Variants in TBX4 observed in about 807,000 individuals in gnomAD.
TBX4 encodes the protein T-box transcription factor TBX4.
Under a neutral mutation model 54.6 loss-of-function variants are expected in TBX4, and 13 were observed. That is an observed-to-expected ratio of 0.24 (90% CI 0.15 to 0.38). TBX4 has a LOEUF of 0.38. Ranked by LOEUF, TBX4 falls within the 10% of genes least tolerant of loss-of-function variation. The pLI is 1.00. For missense variants in TBX4, 631 were observed against 728.5 expected (o/e 0.87, Z 1.54); for synonymous variants, 314 against 306.7 (o/e 1.02, Z -0.25).
rs1450358717 is a variant in TBX4 at position 61,484,243 on chromosome 17, G to A, written c.*727G>A. The A allele has an allele frequency of 6.6e-6, 1 of 151,980 alleles. No individual in the cohort carries two copies. Among genetic ancestry groups the A allele is most frequent in the Non-Finnish European group, 1.5e-5 (1 of 68,052 alleles). 9.4% of individuals were successfully genotyped at this position (151,980 alleles called of 1,614,324 possible). A position where few individuals can be genotyped will look rare whatever the true frequency, so the allele number is the denominator to read the frequency against. ...AAAGGGTTTTTTTTTCCCTTCAAGA[G>A]GAGGGAAAATGCAACCAGTAGCATC... On this transcript the variant is annotated 3_prime_UTR_variant, in exon 9 of 9. Transcript: ENST00000644296. This position sits in a 1 kb window ranked among gnomAD's most constrained non-coding sequence, Gnocchi z 4.1.
At chr17:61,466,656 C>T (rs893186403) in intron 4 of TBX4, among the ~76,000 whole-genome samples, 1 of 152,198 alleles carries the variant, frequency 6.6e-6, no homozygotes, top group African/African-American at 2.4e-5. Flanking sequence ...AGAGATTGGG[C>T]CGAGCAGGCA....
At position 61,474,562 on chromosome 17, in the gene TBX4, C is replaced by T. The variant is rs1400177547; in HGVS notation, c.550-4065C>T. 6.6e-6 allele frequency among the ~76,000 whole-genome samples: 1 copy of T among 152,166 alleles called. No homozygotes were observed. Among genetic ancestry groups the T allele is most frequent in the African/African-American group, 2.4e-5 (1 of 41,414 alleles). On this transcript the variant is annotated intron_variant, in intron 5 of 8. Coordinates refer to ENST00000644296, the MANE Select transcript of TBX4 (RefSeq NM_001321120.2). This position sits in a 1 kb window ranked among gnomAD's most constrained non-coding sequence, Gnocchi z 4.6. ...GCTTTATTGGCCAAGCACGCTATGGCGATCTCTTGAGGAGAGGGATGTTTG... is the reference window on the plus strand; with the variant it reads ...GCTTTATTGGCCAAGCACGCTATGGTGATCTCTTGAGGAGAGGGATGTTTG...
Position 61,483,103 on chromosome 17 carries a change from G to A in TBX4, c.1228G>A (p.Asp410Asn), listed in dbSNP as rs757013870. ...PEIAGVSGVD[D>N]LPPPPLSCNM... Reference sequence around the variant, plus strand: ...GATTGCCGGGGTGTCTGGGGTGGACGACCTGCCCCCACCTCCGCTGAGCTG... The same window carrying A: ...GATTGCCGGGGTGTCTGGGGTGGACAACCTGCCCCCACCTCCGCTGAGCTG... The change falls in exon 9 of 9, where the codon GAC (aspartate) becomes AAC (asparagine). Residue 410 changes from aspartate (D) to asparagine (N), a missense_variant. Transcript: ENST00000644296. This position sits in a 1 kb window ranked among gnomAD's most constrained non-coding sequence, Gnocchi z 6.6. 6.8e-6 allele frequency: 11 copies of A among 1,613,924 alleles called. No individual in the cohort carries two copies. Among genetic ancestry groups the A allele is most frequent in the African/African-American group, 2.7e-5 (2 of 74,870 alleles).
rs2060683710 is a variant in TBX4 at position 61,483,652 on chromosome 17, G to GTGTGTGTA, written c.*137_*138insGTGTGTAT. 3.9e-6 allele frequency: 4 copies of GTGTGTGTA among 1,024,346 alleles called. No individual in the cohort carries two copies. Among genetic ancestry groups the GTGTGTGTA allele is most frequent in the Non-Finnish European group, 4.4e-6 (3 of 685,200 alleles). The allele number at this position is 1,024,346 out of a possible 1,614,324, so 63.5% of individuals were successfully genotyped here. ...TGTGTGTGTGTGTGTGTGTGTGTGT[G>GTGTGTGTA]TATACACGAGCATGTATGTATTTGG... On this transcript the variant is annotated 3_prime_UTR_variant, in exon 9 of 9. Coordinates refer to ENST00000644296, the MANE Select transcript of TBX4 (RefSeq NM_001321120.2). The surrounding 1 kb of genome is among the most constrained non-coding windows in gnomAD (Gnocchi z 6.6).
At position 61,459,178 on chromosome 17, in the gene TBX4, G is replaced by A. The variant is rs2060476530; in HGVS notation, c.281+1547G>A. ...ACATGGAGCAGGCATTGAGGACAGT[G>A]GAAGCCAGGTGTCACAGGCCCTGCC... On this transcript the variant is annotated intron_variant, in intron 3 of 8. Transcript: ENST00000644296. The surrounding 1 kb of genome is among the most constrained non-coding windows in gnomAD (Gnocchi z 4.8). Among the ~76,000 whole-genome samples the A allele has an allele frequency of 6.6e-6, 1 of 152,238 alleles. No homozygotes were observed. Among genetic ancestry groups the A allele is most frequent in the Non-Finnish European group, 1.5e-5 (1 of 68,050 alleles).
intron 5 of TBX4, among the ~76,000 whole-genome samples, chr17:61,471,561 C>CTTTTTTA (rs2060578270): frequency 9.1e-6 from 1 of 109,638 alleles, no homozygotes; most frequent in Non-Finnish European, 1.9e-5. Flanking sequence ...TTTTTTTTTG[C>CTTTTTTA]ACATAGGCAG....
chr17:61,484,759 T>TAA lies in TBX4; in HGVS notation c.*1244_*1245insAA, dbSNP rs2060691245. 1 of 137,108 alleles carries TAA rather than the reference T, an allele frequency of 7.3e-6. No homozygotes were observed. Among genetic ancestry groups the TAA allele is most frequent in the African/African-American group, 2.6e-5 (1 of 38,156 alleles). The allele number at this position is 137,108 out of a possible 1,614,324, so 8.5% of individuals were successfully genotyped here. On this transcript the variant is annotated 3_prime_UTR_variant, in exon 9 of 9. Transcript: ENST00000644296. The surrounding 1 kb of genome is among the most constrained non-coding windows in gnomAD (Gnocchi z 4.1). The stretch of plus-strand genomic sequence containing the variant: ...TATATATTATATAAATAAATAAATA[T>TAA]ATATATTATATATCGCTCTCTCTCA...
chr17:61,456,601 G>A lies in TBX4; in HGVS notation c.111G>A (p.Pro37=), dbSNP rs1456712092. Residue 37 remains proline, a synonymous_variant, in exon 2 of 9, where the codon CCG becomes CCA. Transcript: ENST00000644296. ...ANAPEPALAA[P]GLSGAALGSP... ...CCCCCGAGCCCGCGCTGGCAGCGCC[G>A]GGCCTCAGCGGAGCCGCGCTAGGCA... is the stretch of plus-strand genomic sequence containing the variant. 1 of 1,504,298 alleles carries A rather than the reference G, an allele frequency of 6.6e-7. No homozygotes were observed. Among genetic ancestry groups the A allele is most frequent in the Non-Finnish European group, 8.9e-7 (1 of 1,127,420 alleles). The allele number at this position is 1,504,298 out of a possible 1,614,324, so 93.2% of individuals were successfully genotyped here. A position where few individuals can be genotyped will look rare whatever the true frequency, so the allele number is the denominator to read the frequency against.
chr17:61,474,763 G>C lies in TBX4; in HGVS notation c.550-3864G>C, dbSNP rs1569041589. 6.6e-6 allele frequency among the ~76,000 whole-genome samples: 1 copy of C among 152,248 alleles called. No homozygotes were observed. The highest frequency in any genetic ancestry group is 2.4e-5 in the African/African-American group (1 of 41,468). Reference sequence around the variant, plus strand: ...AATATAAATGTGAAACTCTGGCAAAGTAGTTTAATGTGGCGCCTGAGGAAC... The same window carrying C: ...AATATAAATGTGAAACTCTGGCAAACTAGTTTAATGTGGCGCCTGAGGAAC... On this transcript the variant is annotated intron_variant, in intron 5 of 8. Coordinates refer to ENST00000644296, the MANE Select transcript of TBX4 (RefSeq NM_001321120.2). The surrounding 1 kb of genome is among the most constrained non-coding windows in gnomAD (Gnocchi z 4.6).
At position 61,457,846 on chromosome 17, in the gene TBX4, A is replaced by AGG. The variant is rs1339517416; in HGVS notation, c.281+218_281+219dup. 6.6e-6 allele frequency among the ~76,000 whole-genome samples: 1 copy of AGG among 152,158 alleles called. No individual in the cohort carries two copies. The highest frequency in any genetic ancestry group is 1.5e-5 in the Non-Finnish European group (1 of 68,024). ...CGCGCGGGCCTTGCGGGAAAGACCG[A>AGG]GGGGAGGGGCAGCGCTATGCAAATG... On this transcript the variant is annotated intron_variant, in intron 3 of 8. Coordinates refer to ENST00000644296, the MANE Select transcript of TBX4 (RefSeq NM_001321120.2). The surrounding 1 kb of genome is among the most constrained non-coding windows in gnomAD (Gnocchi z 8.2).
At chr17:61,470,492 T>A (rs3785828) in intron 5 of TBX4, among the ~76,000 whole-genome samples, 1 of 152,092 alleles carries the variant, frequency 6.6e-6, no homozygotes, top group African/African-American at 2.4e-5. Context: ...CAGAACCTCC[T>A]AAAAGGACTG....
chr17:61,483,149 C>T lies in TBX4; in HGVS notation c.1274C>T (p.Ser425Leu), dbSNP rs1569046804. 2 of 1,614,120 alleles carry T rather than the reference C, an allele frequency of 1.2e-6. No individual in the cohort carries two copies. The highest frequency in any genetic ancestry group is 2.2e-5 in the East Asian group (1 of 44,868). ...AGCTGTAACATGTGGACTTCAGTGTCGCCGTACACCAGCTATAGCGTGCAG... is the reference window on the plus strand; with the variant it reads ...AGCTGTAACATGTGGACTTCAGTGTTGCCGTACACCAGCTATAGCGTGCAG... Reference protein sequence around the residue: ...PLSCNMWTSVSPYTSYSVQTM... With the variant: ...PLSCNMWTSVLPYTSYSVQTM... The change falls in exon 9 of 9, where the codon TCG becomes TTG. Residue 425 changes from serine (S) to leucine (L), a missense_variant. Physicochemically the swap from Ser to Leu is moderately radical, Grantham distance 145 (BLOSUM62 -2). Transcript: ENST00000644296. The surrounding 1 kb of genome is among the most constrained non-coding windows in gnomAD (Gnocchi z 6.6).
Position 61,480,394 on chromosome 17 carries a change from GCCCC to G in TBX4, c.1021+83_1021+86del. ...GTTCTCCCCGAAACCACTCTGCAGC[GCCCC>G]CCCCCCCAACACACACACACTCATC... On this transcript the variant is annotated intron_variant, in intron 8 of 8. Coordinates refer to ENST00000644296, the MANE Select transcript of TBX4 (RefSeq NM_001321120.2). The surrounding 1 kb of genome is among the most constrained non-coding windows in gnomAD (Gnocchi z 6.2). 2 of 935,996 alleles carry G rather than the reference GCCCC, an allele frequency of 2.1e-6. No homozygotes were observed. Among genetic ancestry groups the G allele is most frequent in the Non-Finnish European group, 3.2e-6 (2 of 621,744 alleles). The allele number at this position is 935,996 out of a possible 1,614,324, so 58.0% of individuals were successfully genotyped here. A position where few individuals can be genotyped will look rare whatever the true frequency, so the allele number is the denominator to read the frequency against.
Position 61,456,654 on chromosome 17 carries a change from TCGC to T in TBX4, c.177_179del (p.Ala60del), listed in dbSNP as rs772891363. 3.0e-4 allele frequency: 399 copies of T among 1,349,602 alleles called. No homozygotes were observed. The highest frequency in any genetic ancestry group is 2.2e-3 in the South Asian group (112 of 50,848). The allele number at this position is 1,349,602 out of a possible 1,614,324, so 83.6% of individuals were successfully genotyped here. ...CCCCCGGGACCCGGGGCCGACGTCG[TCGC>T]CGCCGCCGCCGCGGAGCAGGTAGGG... On this transcript the variant is annotated inframe_deletion, in exon 2 of 9. Transcript: ENST00000644296.
chr17:61,455,702 T>A (rs924793603), intron 1 of TBX4, among the ~76,000 whole-genome samples: 4 of 152,202 alleles, frequency 2.6e-5, no homozygotes, highest in African/African-American at 9.6e-5. Context: ...AAAGTGTGCC[T>A]GAGTGAGCCT....
At chr17:61,471,041 T>C (rs2060573658) in intron 5 of TBX4, among the ~76,000 whole-genome samples, 1 of 152,220 alleles carries the variant, frequency 6.6e-6, no homozygotes, top group Non-Finnish European at 1.5e-5. Context: ...TCTGACGCAG[T>C]GAGTCCAACT....
chr17:61,472,501 G>T lies in TBX4; in HGVS notation c.549+4844G>T, dbSNP rs1470317413. On this transcript the variant is annotated intron_variant, in intron 5 of 8. Coordinates refer to ENST00000644296, the MANE Select transcript of TBX4 (RefSeq NM_001321120.2). This position sits in a 1 kb window ranked among gnomAD's most constrained non-coding sequence, Gnocchi z 4.5. ...GTAGGTTTTTGATATCAATTTCTAGGAACTCTTATAAATTAGGAGGATGTA... is the reference window on the plus strand; with the variant it reads ...GTAGGTTTTTGATATCAATTTCTAGTAACTCTTATAAATTAGGAGGATGTA... Among the ~76,000 whole-genome samples, 1 of 152,058 alleles carries T rather than the reference G, an allele frequency of 6.6e-6. No individual in the cohort carries two copies. The highest frequency in any genetic ancestry group is 6.6e-5 in the Admixed American group (1 of 15,266).
Position 61,479,790 on chromosome 17 carries a change from G to A in TBX4, c.703-91G>A. 1.5e-6 allele frequency: 2 copies of A among 1,306,752 alleles called. No individual in the cohort carries two copies. Among genetic ancestry groups the A allele is most frequent in the Non-Finnish European group, 2.2e-6 (2 of 900,334 alleles). The allele number at this position is 1,306,752 out of a possible 1,614,324, so 80.9% of individuals were successfully genotyped here. A position where few individuals can be genotyped will look rare whatever the true frequency, so the allele number is the denominator to read the frequency against. On this transcript the variant is annotated intron_variant, in intron 6 of 8. Transcript: ENST00000644296. This position sits in a 1 kb window ranked among gnomAD's most constrained non-coding sequence, Gnocchi z 6.1. ...TGGAGAGCGACCCCTGAGGGAGGGA[G>A]GTTACATGTTATGATCCCATTTACA...
chr17:61,482,909 G>C lies in TBX4; in HGVS notation c.1034G>C (p.Arg345Pro). The change falls in exon 9 of 9, where the codon CGC becomes CCC. Residue 345 changes from arginine to proline, a missense_variant. Transcript: ENST00000644296. The part of the protein sequence containing the change: ...HCLKRRADGT[R>P]HLDLPCKRSY... ...CTTTGTCTTTCAGCAGACGGTACCC[G>C]CCACCTGGACTTACCTTGCAAGCGA... 8.7e-6 allele frequency: 14 copies of C among 1,613,526 alleles called. No homozygotes were observed. The highest frequency in any genetic ancestry group is 1.2e-5 in the Non-Finnish European group (14 of 1,179,822).
Sources: gnomAD v4.1 joint callset for allele counts (sites outside exome capture counted in the v4.1 genomes callset) on GRCh38, gnomAD v4.1.1 for gene constraint, Gnocchi (gnomAD v3.1) non-coding constraint, MANE v1.5 for transcripts, NCBI Gene and HGNC (gene_info 2026-07-23, HGNC 2026-07-21) for gene names.